ATP2B2: variants seen among roughly 807,000 people sequenced by gnomAD.
ATP2B2 encodes ATPase plasma membrane Ca2+ transporting 2.
Under a neutral mutation model 120.0 loss-of-function variants are expected in ATP2B2, and 15 were observed. That is an observed-to-expected ratio of 0.12 (90% CI 0.08 to 0.19). ATP2B2 has a LOEUF of 0.19. Ranked by LOEUF, ATP2B2 falls within the 10% of genes least tolerant of loss-of-function variation. The pLI is 1.00. For missense variants in ATP2B2, 1,045 were observed against 1,719.8 expected, an observed-to-expected ratio of 0.61 and a Z score of 6.94; for synonymous variants, 694 against 700.3, an observed-to-expected ratio of 0.99 and a Z score of 0.14.
At chr3:10,482,552 A>G (rs2065457825) in intron 1 of ATP2B2, among the ~76,000 whole-genome samples, 2 of 152,216 alleles carry the variant, frequency 1.3e-5, no homozygotes, top group Non-Finnish European at 2.9e-5. Flanking sequence ...TGCCATGGCT[A>G]GGGTCAAGCT....
chr3:10,531,603 C>G (rs192971972), intron 3 of ATP2B2, among the ~76,000 whole-genome samples: 1 of 152,200 alleles, frequency 6.6e-6, no homozygotes, highest in Non-Finnish European at 1.5e-5. Flanking sequence ...ATTTTTGTGA[C>G]TATGAATTCA....
At chr3:10,453,618 C>T (rs958017035) in intron 1 of ATP2B2, among the ~76,000 whole-genome samples, 1 of 152,202 alleles carries the variant, frequency 6.6e-6, no homozygotes. Flanking sequence ...GCTTTGCAAT[C>T]CACAAGGGAC....
intron 1 of ATP2B2, among the ~76,000 whole-genome samples, chr3:10,653,150 A>G (rs1162524291): frequency 1.3e-5 from 2 of 152,092 alleles, no homozygotes; most frequent in African/African-American, 4.8e-5. Context: ...ATTTAAAGGG[A>G]AGAGTTCTCA....
At chr3:10,681,729 CA>C (rs2071388998) in intron 1 of ATP2B2, among the ~76,000 whole-genome samples, 1 of 152,152 alleles carries the variant, frequency 6.6e-6, no homozygotes, top group African/African-American at 2.4e-5. Flanking sequence ...TTATTAGGCC[CA>C]TTTAACAGAG....
chr3:10,637,824 A>G (rs1411784786), intron 1 of ATP2B2, among the ~76,000 whole-genome samples: 2 of 152,330 alleles, frequency 1.3e-5, no homozygotes, highest in Middle Eastern at 3.4e-3. Context: ...AAGAAACATG[A>G]AGAAAGCAAC....
At chr3:10,421,789 G>A (rs1475556237) in intron 2 of ATP2B2, among the ~76,000 whole-genome samples, 1 of 152,076 alleles carries the variant, frequency 6.6e-6, no homozygotes. Flanking sequence ...TGCATGTGCC[G>A]GGCATTTGCC....
intron 1 of ATP2B2, among the ~76,000 whole-genome samples, chr3:10,456,289 A>ATGCTGAATT (rs2064257107): frequency 6.6e-6 from 1 of 152,218 alleles, no homozygotes; most frequent in African/African-American, 2.4e-5. Flanking sequence ...GTTTTAAGAC[A>ATGCTGAATT]TGCTGAATTT....
chr3:10,559,306 T>C (rs1001950100), intron 2 of ATP2B2, among the ~76,000 whole-genome samples: 45 of 152,236 alleles, frequency 3.0e-4, no homozygotes, highest in African/African-American at 9.9e-4. Context: ...AGGAATAAGT[T>C]GTAGTGCTTT....
At chr3:10,632,623 C>G (rs1560921) in intron 1 of ATP2B2, among the ~76,000 whole-genome samples, 1 of 151,980 alleles carries the variant, frequency 6.6e-6, no homozygotes, top group African/African-American at 2.4e-5. Flanking sequence ...GGCTTAGCAT[C>G]GAGCTCTGGC....
intron 1 of ATP2B2, among the ~76,000 whole-genome samples, chr3:10,705,103 A>C (rs974651032): frequency 1.1e-4 from 17 of 152,196 alleles, no homozygotes; most frequent in Non-Finnish European, 1.5e-5. Context: ...CAGGCAGTCC[A>C]TAGTATGGAC....
intron 1 of ATP2B2, among the ~76,000 whole-genome samples, chr3:10,690,432 A>ATC (rs372166432): frequency 6.0e-5 from 9 of 148,920 alleles, no homozygotes; most frequent in African/African-American, 1.7e-4. Context: ...ATCTATATCT[A>ATC]TATCTATCTA....
Position 10,356,475 on chromosome 3 carries a change from T to A in ATP2B2, c.2136+2216A>T, listed in dbSNP as rs372338965. Reference sequence around the variant, plus strand: ...AAGTGCATCCCATTATTTTGTGAAATTCTTGCTTTGGTGAAATGTGTGTGT... The same window carrying A: ...AAGTGCATCCCATTATTTTGTGAAAATCTTGCTTTGGTGAAATGTGTGTGT... On this transcript the variant is annotated intron_variant, in intron 14 of 22. Coordinates refer to ENST00000360273, the MANE Select transcript of ATP2B2 (RefSeq NM_001001331.4). Among the ~76,000 whole-genome samples, 7 of 152,186 alleles carry A rather than the reference T, an allele frequency of 4.6e-5. No individual in the cohort carries two copies. The East Asian group carries it at 5.8e-4, about 13-fold the overall frequency.
intron 3 of ATP2B2, among the ~76,000 whole-genome samples, chr3:10,409,969 G>A (rs1201746500): frequency 6.6e-6 from 1 of 152,152 alleles, no homozygotes; most frequent in East Asian, 1.9e-4. Flanking sequence ...CCTCACCTGT[G>A]TGCTTATTAA....
At chr3:10,664,071 A>G (rs752274071) in intron 1 of ATP2B2, among the ~76,000 whole-genome samples, 29 of 152,004 alleles carry the variant, frequency 1.9e-4, no homozygotes, top group Non-Finnish European at 3.7e-4. Flanking sequence ...TAGTGCCATT[A>G]CCCCCATCTG....
At chr3:10,359,137 T>G (rs922711537) in intron 13 of ATP2B2, among the ~76,000 whole-genome samples, 1 of 152,200 alleles carries the variant, frequency 6.6e-6, no homozygotes, top group South Asian at 2.1e-4. Flanking sequence ...TGATGTATTA[T>G]ATACTCACAA....
chr3:10,654,779 TAA>T (rs3030786), intron 1 of ATP2B2, among the ~76,000 whole-genome samples: 171 of 143,456 alleles, frequency 1.2e-3, no homozygotes, highest in Non-Finnish European at 1.7e-3. Context: ...GGGAAGCTGG[TAA>T]AAAAAAAAAA....
chr3:10,585,375 G>C (rs2068483059), intron 2 of ATP2B2, among the ~76,000 whole-genome samples: 2 of 151,306 alleles, frequency 1.3e-5, no homozygotes, highest in African/African-American at 2.4e-5. Flanking sequence ...GGCGCCTGTA[G>C]TCCCAGCTAC....
At chr3:10,504,172 C>A (rs555840351) in intron 1 of ATP2B2, among the ~76,000 whole-genome samples, 2 of 152,090 alleles carry the variant, frequency 1.3e-5, no homozygotes, top group South Asian at 4.2e-4. Flanking sequence ...GGACCCCCAA[C>A]CCCCCACAGG....
intron 1 of ATP2B2, among the ~76,000 whole-genome samples, chr3:10,677,389 T>G (rs968021169): frequency 2.0e-5 from 3 of 152,138 alleles, no homozygotes; most frequent in Non-Finnish European, 4.4e-5. Flanking sequence ...TGATCAGTGG[T>G]CAACAGGGGT....
Sources: allele counts gnomAD v4.1 joint callset (sites outside exome capture counted in the v4.1 genomes callset), GRCh38; gene constraint gnomAD v4.1.1; transcripts MANE v1.5; gene names NCBI Gene and HGNC (gene_info 2026-07-23, HGNC 2026-07-21).